Variants in NRN1 observed in about 807,000 individuals in gnomAD.
The protein encoded by NRN1 is neuritin 1, also known as neuritin.
Under a neutral mutation model 15.0 loss-of-function variants are expected in NRN1, and 4 were observed. That is an observed-to-expected ratio of 0.27 (90% CI 0.13 to 0.61). NRN1 has a LOEUF of 0.61. Among genes scored for constraint, NRN1 ranks in the 20% least tolerant of loss-of-function variants. The pLI is 0.87. For synonymous variants in NRN1, 85 were observed against 79.8 expected (o/e 1.07, Z -0.35); for missense variants, 134 against 181.9 (o/e 0.74, Z 1.51).
intron 2 of NRN1, 128 bp from the exon 3 acceptor site, chr6:5,999,332 T>G (rs1240104195): frequency 5.5e-6 from 4 of 726,054 alleles, no homozygotes; most frequent in Non-Finnish European, 9.3e-6. Context: ...CTCCCTACCT[T>G]CTCTTCACCG....
At chr6:6,007,392 G>C (rs1758137665), upstream of NRN1, 1 of 152,360 alleles carries the variant, frequency 6.6e-6, no homozygotes, top group African/African-American at 2.4e-5. Context: ...CTACGATGCA[G>C]GGGGGTTTAA....
intron 1 of NRN1, chr6:6,002,898 G>T (rs1757996606): frequency 7.9e-6 from 3 of 382,158 alleles, no homozygotes; most frequent in East Asian, 4.0e-5. Flanking sequence ...AGCAAGCCCT[G>T]TCACAGCTCT....
intron 1 of NRN1, among the ~76,000 whole-genome samples, chr6:6,005,327 A>T (rs1758079763): frequency 6.6e-6 from 1 of 152,262 alleles, no homozygotes; most frequent in South Asian, 2.1e-4. Context: ...TATTATTTAC[A>T]GCAGCTCTTT....
At chr6:6,006,624 C>A (rs1275078273) in intron 1 of NRN1, 71 bp downstream of exon 1, 2 of 1,475,118 alleles carry the variant, frequency 1.4e-6, no homozygotes, top group Non-Finnish European at 1.9e-6. Flanking sequence ...CCGCTAGTCC[C>A]CCTCCGCGCC....
chr6:6,004,828 A>G lies in NRN1; in HGVS notation c.55+1867T>C, dbSNP rs569023178. 3.2e-4 allele frequency among the ~76,000 whole-genome samples: 49 copies of G among 151,878 alleles called. 1 individual carries two copies. The highest frequency in any genetic ancestry group is 2.6e-4 in the Admixed American group (4 of 15,260). On this transcript the variant is annotated intron_variant, in intron 1 of 2. Transcript: ENST00000244766. The stretch of plus-strand genomic sequence containing the variant: ...GCCGTCCCCTTCTTGTGCGGTTTCC[A>G]TCCGTTCATTCATTCGTTCGACCTC...
At position 5,999,733 on chromosome 6, in the gene NRN1, C is replaced by T. The variant is rs557718471; in HGVS notation, c.201-529G>A. Among the ~76,000 whole-genome samples, 20 of 152,328 alleles carry T rather than the reference C, an allele frequency of 1.3e-4. No individual in the cohort carries two copies. In the East Asian group the frequency reaches 3.9e-3, roughly 29 times the overall value. Reference sequence around the variant, plus strand: ...ACGCCGCGGTACTCTCGCCTTCGCCCTCATTCTCTCCCTCCACCTACTACC... The same window carrying T: ...ACGCCGCGGTACTCTCGCCTTCGCCTTCATTCTCTCCCTCCACCTACTACC... On this transcript the variant is annotated intron_variant, in intron 2 of 2. Transcript: ENST00000244766.
intron 1 of NRN1, among the ~76,000 whole-genome samples, chr6:6,004,839 C>A (rs1243581039): frequency 6.6e-6 from 1 of 152,080 alleles, no homozygotes; most frequent in Non-Finnish European, 1.5e-5. Context: ...TCCGTTCATT[C>A]ATTCGTTCGA....
intron 1 of NRN1, chr6:6,003,382 C>T: frequency 1.8e-6 from 1 of 567,620 alleles, no homozygotes; most frequent in African/African-American, 1.9e-5. Context: ...TCCTCCTCCC[C>T]TGTCCGCCAC....
chr6:6,007,059 C>G (rs372694572), upstream of NRN1: 2 of 357,674 alleles, frequency 5.6e-6, no homozygotes. Context: ...GGGGATGACA[C>G]GGAATGATTT....
At chr6:6,002,009 A>G (rs1757959733) in intron 2 of NRN1, among the ~76,000 whole-genome samples, 1 of 152,242 alleles carries the variant, frequency 6.6e-6, no homozygotes, top group African/African-American at 2.4e-5. Context: ...ATCTTGCAGC[A>G]CCAAGATTTT....
intron 1 of NRN1, among the ~76,000 whole-genome samples, chr6:6,004,615 C>A (rs1042399734): frequency 6.6e-6 from 1 of 152,222 alleles, no homozygotes; most frequent in Non-Finnish European, 1.5e-5. Flanking sequence ...GTGAACATTT[C>A]TGTCTTTTAA....
rs1264492494 is a variant in NRN1, at chr6:5,999,147, C to T, written c.258G>A (p.Gly86=). The T allele has an allele frequency of 1.9e-6, 3 of 1,614,190 alleles. No individual in the cohort carries two copies. The highest frequency in any genetic ancestry group is 2.5e-6 in the Non-Finnish European group (3 of 1,180,038). ...TCAGTTTATCCCACATATCTTTCGC[C>T]CCTTCCTGGCAATCCGTAAGGGCTG... is the stretch of plus-strand genomic sequence containing the variant. ...TVTALTDCQE[G]AKDMWDKLRK... The change falls in exon 3 of 3, where the codon GGG becomes GGA. Residue 86 remains glycine (G), a synonymous_variant. Coordinates refer to ENST00000244766, the MANE Select transcript of NRN1 (RefSeq NM_016588.3).
At chr6:6,003,314 G>A (rs1326853876) in intron 1 of NRN1, 9 of 1,171,208 alleles carry the variant, frequency 7.7e-6, no homozygotes, top group South Asian at 4.3e-5. Context: ...GGTCACGGAT[G>A]AGTCTGCCTG....
chr6:6,003,385 T>A, intron 1 of NRN1: 1 of 564,210 alleles, frequency 1.8e-6, no homozygotes, highest in Non-Finnish European at 2.6e-6. Context: ...TCCTCCCCTG[T>A]CCGCCACTCG....
chr6:6,002,671 T>A lies in NRN1; in HGVS notation c.56-174A>T, dbSNP rs371920536. On this transcript the variant is annotated intron_variant, in intron 1 of 2. Transcript: ENST00000244766. The stretch of plus-strand genomic sequence containing the variant: ...GTGAATGAAAGACGTGACCCAGGAA[T>A]GCCCGACCTGCAGCTAACGCTGCGT... Among the ~76,000 whole-genome samples, 519 of 151,978 alleles carry A rather than the reference T, an allele frequency of 3.4e-3. 8 individuals carry two copies. Among genetic ancestry groups the A allele is most frequent in the African/African-American group, 0.012 (507 of 41,556 alleles).
upstream of NRN1, chr6:6,006,942 AG>A: frequency 5.7e-6 from 1 of 175,666 alleles, no homozygotes; most frequent in Non-Finnish European, 1.0e-5. Context: ...AGAGAGAAAG[AG>A]AGAGAGAGAG....
At chr6:6,003,907 C>A in intron 1 of NRN1, 3 of 1,229,990 alleles carry the variant, frequency 2.4e-6, no homozygotes, top group Non-Finnish European at 3.0e-6. Flanking sequence ...GCCTGGTCCT[C>A]GGCAGCTTTC....
intron 2 of NRN1, among the ~76,000 whole-genome samples, chr6:6,000,258 C>A (rs1482132428): frequency 6.6e-6 from 1 of 152,216 alleles, no homozygotes; most frequent in Non-Finnish European, 1.5e-5. Context: ...TCCTCCCAGG[C>A]TCAGCTCCTA....
At chr6:6,003,784 C>T in intron 1 of NRN1, 1 of 1,234,120 alleles carries the variant, frequency 8.1e-7, no homozygotes, top group Non-Finnish European at 1.0e-6. Flanking sequence ...GCCTAGCGGC[C>T]CAAAGCAGCC....
Sources: allele counts gnomAD v4.1 joint callset (sites outside exome capture counted in the v4.1 genomes callset), GRCh38; gene constraint gnomAD v4.1.1; transcripts MANE v1.5; gene names NCBI Gene and HGNC (gene_info 2026-07-23, HGNC 2026-07-21).